CPEB3: variants seen among roughly 807,000 people sequenced by gnomAD.
The protein encoded by CPEB3 is cytoplasmic polyadenylation element-binding protein 3.
Under a neutral mutation model 67.2 loss-of-function variants are expected in CPEB3, and 20 were observed. That is an observed-to-expected ratio of 0.30 (90% CI 0.21 to 0.43). CPEB3 has a LOEUF of 0.43. Ranked by LOEUF, CPEB3 falls within the 20% of genes least tolerant of loss-of-function variation. The pLI is 1.00. For synonymous variants in CPEB3, 376 were observed against 393.1 expected (o/e 0.96, Z 0.51); for missense variants, 746 against 968.6 (o/e 0.77, Z 3.05).
chr10:92,078,757 C>T (rs1843029008), intron 9 of CPEB3, among the ~76,000 whole-genome samples: 1 of 152,152 alleles, frequency 6.6e-6, no homozygotes, highest in South Asian at 2.1e-4. Flanking sequence ...CCATTTCTCT[C>T]CTTTTTAACT....
At chr10:92,151,297 C>T (rs926820305) in intron 4 of CPEB3, among the ~76,000 whole-genome samples, 13 of 152,294 alleles carry the variant, frequency 8.5e-5, no homozygotes, top group Middle Eastern at 3.4e-3. Flanking sequence ...TGGCCCAGCA[C>T]TTCTACTCCA....
chr10:92,191,475 T>C (rs1848981160), intron 3 of CPEB3, among the ~76,000 whole-genome samples: 2 of 152,200 alleles, frequency 1.3e-5, no homozygotes. Flanking sequence ...TTGACTACTT[T>C]CTTTTCACTG....
Position 92,182,699 on chromosome 10 carries a change from G to A in CPEB3, c.1166-1680C>T, listed in dbSNP as rs945736687. ...AAATTAGCTGGGTGTGGTGGTGGAT[G>A]CCCATAATCCCAGCTACTTGGGAGG... On this transcript the variant is annotated intron_variant, in intron 3 of 9. Transcript: ENST00000265997. Among the ~76,000 whole-genome samples, 5 of 151,914 alleles carry A rather than the reference G, an allele frequency of 3.3e-5. No individual in the cohort carries two copies. The South Asian group carries it at 1.0e-3, about 32-fold the overall frequency.
chr10:92,218,925 A>G (rs1263022731), intron 2 of CPEB3, among the ~76,000 whole-genome samples: 1 of 152,086 alleles, frequency 6.6e-6, no homozygotes, highest in Non-Finnish European at 1.5e-5. Flanking sequence ...AGGTGAACAT[A>G]GACCTATAGT....
chr10:92,265,830 G>C (rs1416040572), intron 1 of CPEB3, among the ~76,000 whole-genome samples: 1 of 147,304 alleles, frequency 6.8e-6, no homozygotes, highest in Non-Finnish European at 1.5e-5. Flanking sequence ...GCTACAGTTT[G>C]AATGTTTGTG....
intron 1 of CPEB3, among the ~76,000 whole-genome samples, chr10:92,257,876 CCCA>C (rs1223151170): frequency 6.6e-6 from 1 of 151,246 alleles, no homozygotes; most frequent in Non-Finnish European, 1.5e-5. Context: ...ATCACAGGCG[CCCA>C]CCACCATGCC....
intron 1 of CPEB3, among the ~76,000 whole-genome samples, chr10:92,252,756 G>C (rs1230815224): frequency 3.3e-5 from 5 of 152,058 alleles, no homozygotes; most frequent in Admixed American, 3.3e-4. Flanking sequence ...CTGAGTTCAA[G>C]TGATCCTCCC....
chr10:92,191,028 A>C (rs920290511), intron 3 of CPEB3, among the ~76,000 whole-genome samples: 1 of 152,206 alleles, frequency 6.6e-6, no homozygotes, highest in Non-Finnish European at 1.5e-5. Flanking sequence ...ATAATACACC[A>C]TCACAATCTT....
intron 2 of CPEB3, among the ~76,000 whole-genome samples, chr10:92,203,791 C>T (rs550022476): frequency 2.6e-5 from 4 of 152,132 alleles, no homozygotes; most frequent in Admixed American, 2.6e-4. Context: ...ACTTCAGCTG[C>T]TCCATTCAGG....
chr10:92,277,960 G>A (rs994909764), intron 1 of CPEB3, among the ~76,000 whole-genome samples: 2 of 150,550 alleles, frequency 1.3e-5, no homozygotes, highest in Non-Finnish European at 2.9e-5. Context: ...CAAGGTGGGT[G>A]GATCATGAGG....
intron 8 of CPEB3, among the ~76,000 whole-genome samples, chr10:92,086,749 A>G (rs150462477): frequency 6.6e-5 from 10 of 152,320 alleles, no homozygotes; most frequent in East Asian, 3.9e-4. Context: ...TTTATGCTCT[A>G]TAAGTATCAA....
At chr10:92,162,447 G>A (rs1279864026) in intron 4 of CPEB3, among the ~76,000 whole-genome samples, 1 of 151,978 alleles carries the variant, frequency 6.6e-6, no homozygotes, top group Non-Finnish European at 1.5e-5. Context: ...AGTTAAAAAT[G>A]AAACATTACA....
intron 6 of CPEB3, among the ~76,000 whole-genome samples, chr10:92,138,969 C>T (rs898316437): frequency 1.3e-5 from 2 of 152,106 alleles, no homozygotes; most frequent in South Asian, 4.1e-4. Context: ...CATCAACAGA[C>T]GAATGGATAA....
chr10:92,124,476 T>C (rs1845525336), intron 6 of CPEB3, among the ~76,000 whole-genome samples: 1 of 152,210 alleles, frequency 6.6e-6, no homozygotes, highest in Non-Finnish European at 1.5e-5. Context: ...ACCCTTGCTA[T>C]CACACAATGC....
intron 8 of CPEB3, among the ~76,000 whole-genome samples, chr10:92,086,947 G>A (rs1355429739): frequency 6.6e-6 from 1 of 152,194 alleles, no homozygotes; most frequent in African/African-American, 2.4e-5. Context: ...TGCCAAATCT[G>A]GAGTTTATCC....
chr10:92,144,356 C>G (rs1271674387), intron 5 of CPEB3, among the ~76,000 whole-genome samples: 1 of 152,124 alleles, frequency 6.6e-6, no homozygotes. Flanking sequence ...ACTGTAACCT[C>G]AAACTCCTGG....
At chr10:92,265,236 T>C (rs1413186943) in intron 1 of CPEB3, among the ~76,000 whole-genome samples, 1 of 152,116 alleles carries the variant, frequency 6.6e-6, no homozygotes, top group African/African-American at 2.4e-5. Context: ...CTTGTGGTTG[T>C]TGGGCCTTTT....
chr10:92,160,445 TATGG>T (rs1180751252), intron 4 of CPEB3, among the ~76,000 whole-genome samples: 1 of 152,186 alleles, frequency 6.6e-6, no homozygotes, highest in Non-Finnish European at 1.5e-5. Flanking sequence ...TCCATAATTA[TATGG>T]ATGGATTAAT....
chr10:92,234,836 A>C (rs920020993), intron 2 of CPEB3, among the ~76,000 whole-genome samples: 1 of 152,120 alleles, frequency 6.6e-6, no homozygotes, highest in Non-Finnish European at 1.5e-5. Flanking sequence ...GAGGCAGGAG[A>C]ATCTCTTGAA....
Sources: allele counts gnomAD v4.1 joint callset (sites outside exome capture counted in the v4.1 genomes callset), GRCh38; gene constraint gnomAD v4.1.1; transcripts MANE v1.5; gene names NCBI Gene and HGNC (gene_info 2026-07-23, HGNC 2026-07-21).